The following DLG2 variants were observed in gnomAD, a reference collection of about 807,000 sequenced individuals.
The protein encoded by DLG2 is disks large homolog 2.
In DLG2, 45 loss-of-function variants were observed where a neutral mutation model predicts 132.5. The observed-to-expected ratio is 0.34, with a 90% confidence interval of 0.27 to 0.44. The LOEUF is 0.44. DLG2 is among the 20% of genes least tolerant of loss of function. The pLI, the probability that DLG2 is intolerant of heterozygous loss-of-function variation, is 1.00. For synonymous variants in DLG2, 424 were observed against 419.6 expected (o/e 1.01, Z -0.13); for missense variants, 1,045 against 1,196.9 (o/e 0.87, Z 1.87).
chr11:85,022,610 G>C (rs570109801), intron 6 of DLG2, among the ~76,000 whole-genome samples: 8 of 152,074 alleles, frequency 5.3e-5, no homozygotes, highest in Non-Finnish European at 8.8e-5. Flanking sequence ...GCCACGTTTT[G>C]TCTGTAAAAA....
intron 6 of DLG2, among the ~76,000 whole-genome samples, chr11:84,999,455 G>A (rs1041682707): frequency 6.6e-6 from 1 of 152,030 alleles, no homozygotes; most frequent in African/African-American, 2.4e-5. Flanking sequence ...CAAAAATGAA[G>A]GAAATAATCA....
chr11:85,072,280 A>T (rs1429987504), intron 6 of DLG2, among the ~76,000 whole-genome samples: 2 of 151,732 alleles, frequency 1.3e-5, no homozygotes, highest in Non-Finnish European at 2.9e-5. Flanking sequence ...CATCACCACC[A>T]CTTCAATTCT....
At chr11:85,266,034 C>T (rs1219564377) in intron 4 of DLG2, among the ~76,000 whole-genome samples, 1 of 152,228 alleles carries the variant, frequency 6.6e-6, no homozygotes, top group Non-Finnish European at 1.5e-5. Context: ...GCCCTTTGCT[C>T]TCACTGACTG....
At chr11:84,153,851 C>T (rs1566731492) in intron 9 of DLG2, among the ~76,000 whole-genome samples, 2 of 152,134 alleles carry the variant, frequency 1.3e-5, no homozygotes, top group African/African-American at 4.8e-5. Context: ...TCATTAGGAA[C>T]TATTGTTGGG....
intron 6 of DLG2, among the ~76,000 whole-genome samples, chr11:84,988,857 C>A (rs1282924014): frequency 6.6e-6 from 1 of 151,934 alleles, no homozygotes; most frequent in African/African-American, 2.4e-5. Flanking sequence ...ACCTTTTCCC[C>A]AACAACCTAT....
At chr11:84,323,720 C>CTTTTTTTTT (rs35283044) in intron 7 of DLG2, among the ~76,000 whole-genome samples, 2 of 123,788 alleles carry the variant, frequency 1.6e-5, no homozygotes, top group African/African-American at 3.0e-5. Flanking sequence ...TTCTTTTTTC[C>CTTTTTTTTT]TTTTTTTTTT....
intron 21 of DLG2, among the ~76,000 whole-genome samples, chr11:83,523,288 C>G (rs904159888): frequency 6.6e-6 from 1 of 152,160 alleles, no homozygotes; most frequent in Non-Finnish European, 1.5e-5. Flanking sequence ...GAAGATTTAA[C>G]AAAAGCTCAG....
intron 10 of DLG2, among the ~76,000 whole-genome samples, chr11:84,062,124 A>G (rs557892371): frequency 2.0e-4 from 30 of 152,276 alleles, no homozygotes; most frequent in East Asian, 5.8e-4. Flanking sequence ...TTCCTTTTGT[A>G]TACAGTGGGA....
intron 8 of DLG2, among the ~76,000 whole-genome samples, chr11:84,203,049 C>G (rs1337891025): frequency 6.6e-6 from 1 of 152,120 alleles, no homozygotes; most frequent in African/African-American, 2.4e-5. Flanking sequence ...GTGGAAGACA[C>G]TGTGGTGAAT....
intron 8 of DLG2, among the ~76,000 whole-genome samples, chr11:84,180,501 C>G (rs1222442174): frequency 6.6e-6 from 1 of 151,956 alleles, no homozygotes; most frequent in African/African-American, 2.4e-5. Context: ...AAATTAATGT[C>G]AGACAACAAA....
At chr11:84,392,664 G>A (rs1169508314) in intron 7 of DLG2, among the ~76,000 whole-genome samples, 1 of 152,128 alleles carries the variant, frequency 6.6e-6, no homozygotes, top group Non-Finnish European at 1.5e-5. Flanking sequence ...CAACTCCATT[G>A]GGTAGATTCT....
chr11:85,568,695 C>A (rs573927498), intron 3 of DLG2, among the ~76,000 whole-genome samples: 6 of 152,044 alleles, frequency 3.9e-5, no homozygotes, highest in African/African-American at 1.2e-4. Flanking sequence ...CTAATTTGTT[C>A]GGCATACAAT....
At chr11:83,878,038 G>A (rs554831140) in intron 15 of DLG2, among the ~76,000 whole-genome samples, 1 of 152,282 alleles carries the variant, frequency 6.6e-6, no homozygotes, top group East Asian at 1.9e-4. Context: ...AGAGAGGCCA[G>A]TCAGATGGAA....
At chr11:84,770,469 G>A (rs529563637) in intron 6 of DLG2, among the ~76,000 whole-genome samples, 11 of 151,766 alleles carry the variant, frequency 7.2e-5, no homozygotes, top group African/African-American at 9.7e-5. Context: ...CCCATCCTCC[G>A]CCCTCGAGCA....
chr11:83,567,122 A>G (rs1313167485), intron 19 of DLG2, among the ~76,000 whole-genome samples: 1 of 152,110 alleles, frequency 6.6e-6, no homozygotes, highest in Non-Finnish European at 1.5e-5. Context: ...TCTAATTCTT[A>G]AGTTTCGGGT....
At chr11:84,822,358 G>C (rs961149627) in intron 6 of DLG2, among the ~76,000 whole-genome samples, 1 of 151,620 alleles carries the variant, frequency 6.6e-6, no homozygotes, top group Non-Finnish European at 1.5e-5. Flanking sequence ...TGGAAGGAGG[G>C]GTAAGCTTAT....
At chr11:84,588,207 G>A (rs1489819568) in intron 6 of DLG2, among the ~76,000 whole-genome samples, 1 of 152,072 alleles carries the variant, frequency 6.6e-6, no homozygotes, top group East Asian at 1.9e-4. Context: ...AAACACTGGA[G>A]ATACAGAGAA....
chr11:84,177,511 T>C (rs183591558), intron 8 of DLG2, among the ~76,000 whole-genome samples: 4 of 152,272 alleles, frequency 2.6e-5, no homozygotes, highest in African/African-American at 9.6e-5. Context: ...TCTTAATAAT[T>C]TTTGTGACTT....
chr11:84,534,637 T>C lies in DLG2; in HGVS notation c.452A>G (p.Glu151Gly). 6.2e-7 allele frequency: 1 copy of C among 1,614,118 alleles called. No individual in the cohort carries two copies. ...ATTTTCTATTTGAGAGAGGTTCTTT[T>C]CTGATACATGCACGAGTTCTGGGCC... ...VRGPELVHVSEKNLSQIENVH... is the reference protein window; with the variant it reads ...VRGPELVHVSGKNLSQIENVH... The change falls in exon 7 of 28, where the codon GAA becomes GGA. Residue 151 changes from glutamate (E) to glycine (G), a missense_variant. Glu to Gly is a moderately conservative substitution (Grantham distance 98). This residue lies in a region of DLG2 where 277 missense variants were observed against 238.2 expected (regional missense o/e 1.16). Coordinates refer to ENST00000376104, the MANE Select transcript of DLG2 (RefSeq NM_001142699.3).
Sources: gnomAD v4.1 joint callset for allele counts (sites outside exome capture counted in the v4.1 genomes callset) on GRCh38, gnomAD v4.1.1 for gene constraint, gnomAD v4.1.1 regional missense constraint, MANE v1.5 for transcripts, NCBI Gene and HGNC (gene_info 2026-07-23, HGNC 2026-07-21) for gene names.